The following GOLGA4 variants were observed in gnomAD, a reference collection of about 807,000 sequenced individuals.
GOLGA4 encodes the protein golgin subfamily A member 4.
GOLGA4 carries 169 observed loss-of-function variants against 265.9 expected under a neutral mutation model. The observed-to-expected ratio is 0.64, with a 90% CI of 0.56 to 0.72. The LOEUF (loss-of-function observed/expected upper bound fraction) is 0.72, where lower values mean the gene tolerates loss of function less well. Ranked by LOEUF, GOLGA4 falls within the 30% of genes least tolerant of loss-of-function variation. The pLI, the probability that GOLGA4 is intolerant of heterozygous loss-of-function variation, is 0.00. For synonymous variants in GOLGA4, 923 were observed against 855.8 expected (o/e 1.08, Z -1.37); for missense variants, 2,482 against 2,483.4 (o/e 1.00, Z 0.01).
chr3:37,252,791 C>A (rs552230927), intron 2 of GOLGA4, among the ~76,000 whole-genome samples: 1 of 152,034 alleles, frequency 6.6e-6, no homozygotes, highest in South Asian at 2.1e-4. Context: ...TGCTTAAGTC[C>A]CTTGCCCATT....
rs761469907 is a variant in GOLGA4 at position 37,327,358 on chromosome 3, C to T, written c.5472C>T (p.Asn1824=). The T allele has an allele frequency of 3.7e-6, 6 of 1,613,766 alleles. No homozygotes were observed. The highest frequency in any genetic ancestry group is 4.2e-6 in the Non-Finnish European group (5 of 1,179,734). The part of the protein sequence containing the change: ...QHVEKEGGKN[N]IQAKQNLENV... ...TGGAAAAAGAAGGAGGTAAAAATAA[C>T]ATACAGGCAAAGCAAAACTTGGAAA... The change falls in exon 14 of 24, where the codon AAC becomes AAT. Residue 1824 remains asparagine (N), a synonymous_variant. Transcript: ENST00000361924.
intron 2 of GOLGA4, among the ~76,000 whole-genome samples, chr3:37,270,820 G>A (rs151145069): frequency 6.6e-6 from 1 of 152,010 alleles, no homozygotes; most frequent in Non-Finnish European, 1.5e-5. Flanking sequence ...TGATTCGAGC[G>A]CATTACATTT....
At chr3:37,247,966 A>G (rs1346689393) in intron 1 of GOLGA4, among the ~76,000 whole-genome samples, 1 of 152,214 alleles carries the variant, frequency 6.6e-6, no homozygotes, top group African/African-American at 2.4e-5. Flanking sequence ...CCATCCAGGT[A>G]ATCTTTTGAT....
At chr3:37,331,399 C>A (rs1412301513) in intron 16 of GOLGA4, among the ~76,000 whole-genome samples, 6 of 152,112 alleles carry the variant, frequency 3.9e-5, no homozygotes, top group Non-Finnish European at 8.8e-5. Context: ...CAGTCCCCAT[C>A]CAGACATCCC....
At chr3:37,332,013 C>T (rs1279425915) in intron 16 of GOLGA4, among the ~76,000 whole-genome samples, 3 of 152,112 alleles carry the variant, frequency 2.0e-5, no homozygotes, top group Non-Finnish European at 4.4e-5. Context: ...TCATCTGGCC[C>T]GATCTGTTGT....
chr3:37,246,126 G>A (rs1161773648), intron 1 of GOLGA4, among the ~76,000 whole-genome samples: 5 of 151,740 alleles, frequency 3.3e-5, no homozygotes, highest in Non-Finnish European at 7.4e-5. Context: ...CAAGGCGGGC[G>A]GATCACCTGA....
At chr3:37,353,846 G>A (rs2097082489) in intron 21 of GOLGA4, among the ~76,000 whole-genome samples, 1 of 151,980 alleles carries the variant, frequency 6.6e-6, no homozygotes, top group South Asian at 2.1e-4. Flanking sequence ...TCCCACCTCA[G>A]TCTCCCAAAG....
chr3:37,259,902 A>G (rs902281670), intron 2 of GOLGA4, among the ~76,000 whole-genome samples: 3 of 152,170 alleles, frequency 2.0e-5, no homozygotes, highest in African/African-American at 7.2e-5. Context: ...TAGTAAAACT[A>G]TCTATATAGA....
Position 37,325,684 on chromosome 3 carries a change from TA to T in GOLGA4, c.3802del (p.Thr1268LeufsTer7). On this transcript the variant is annotated frameshift_variant, in exon 14 of 24. Transcript: ENST00000361924. LOFTEE classifies it high-confidence loss of function. The stretch of plus-strand genomic sequence containing the variant: ...CTAAAGTTAAGGAGGCACTGTTAAT[TA>T]AAACTTGCACAGTTTCTGAATTAGA... ...TTKVKEALLI[K>X]TCTVSELEAQ... is the part of the protein sequence containing the mutation. The T allele has an allele frequency of 6.2e-7, 1 of 1,613,736 alleles. No individual in the cohort carries two copies. The highest frequency in any genetic ancestry group is 8.5e-7 in the Non-Finnish European group (1 of 1,179,636).
At chr3:37,268,080 T>A (rs959365199) in intron 2 of GOLGA4, among the ~76,000 whole-genome samples, 1 of 140,644 alleles carries the variant, frequency 7.1e-6, no homozygotes, top group Admixed American at 7.0e-5. Context: ...ACTGTTTTTA[T>A]TTATTTATTT....
intron 5 of GOLGA4, among the ~76,000 whole-genome samples, chr3:37,293,124 T>A (rs186081300): frequency 6.6e-6 from 1 of 152,276 alleles, no homozygotes; most frequent in East Asian, 1.9e-4. Flanking sequence ...GTGTGAGGGA[T>A]GGATAAAATT....
chr3:37,312,091 C>A (rs984097506), intron 10 of GOLGA4, among the ~76,000 whole-genome samples: 9 of 152,168 alleles, frequency 5.9e-5, no homozygotes, highest in African/African-American at 2.2e-4. Context: ...TCAAAACTGT[C>A]TTCAGTTTCT....
intron 1 of GOLGA4, chr3:37,249,994 T>C (rs1351356321): frequency 1.3e-5 from 2 of 152,382 alleles, no homozygotes; most frequent in Non-Finnish European, 2.9e-5. Context: ...CACTCACTTA[T>C]GACTCGAAGT....
At chr3:37,331,078 A>G (rs2096988686) in intron 16 of GOLGA4, among the ~76,000 whole-genome samples, 4 of 152,118 alleles carry the variant, frequency 2.6e-5, no homozygotes, top group Admixed American at 1.3e-4. Context: ...GCCATATTGT[A>G]ATTTAAAGTT....
rs60890140 is a variant in GOLGA4 at position 37,314,642 on chromosome 3, AACAC to A, written c.1235-741_1235-738del. 9.9e-3 allele frequency among the ~76,000 whole-genome samples: 1,368 copies of A among 138,816 alleles called. 11 individuals are homozygous for A. The highest frequency in any genetic ancestry group is 0.037 in the South Asian group (158 of 4,242). The allele number at this position is 138,816 out of a possible 152,430, so 91.1% of individuals were successfully genotyped here. On this transcript the variant is annotated intron_variant, in intron 10 of 23. Coordinates refer to ENST00000361924, the MANE Select transcript of GOLGA4 (RefSeq NM_002078.5). ...GGTGACGGAGCAAGACTCCGTCTCA[AACAC>A]ACACACACACACACACACACACACA...
chr3:37,323,064 G>T (rs1165705527), intron 13 of GOLGA4, among the ~76,000 whole-genome samples: 1 of 148,502 alleles, frequency 6.7e-6, no homozygotes, highest in Non-Finnish European at 1.5e-5. Context: ...TAAATAGAAA[G>T]AATCTGAAAG....
chr3:37,314,882 C>T (rs2096933267), intron 10 of GOLGA4, among the ~76,000 whole-genome samples: 2 of 151,938 alleles, frequency 1.3e-5, no homozygotes, highest in South Asian at 4.1e-4. Context: ...AAATATTCAG[C>T]CAGTAAATGT....
intron 7 of GOLGA4, among the ~76,000 whole-genome samples, chr3:37,298,286 G>A (rs899352697): frequency 3.9e-5 from 6 of 152,134 alleles, no homozygotes; most frequent in African/African-American, 1.4e-4. Context: ...GTGGGTGGGA[G>A]GAAGCCAGTG....
intron 10 of GOLGA4, among the ~76,000 whole-genome samples, chr3:37,311,076 A>G (rs1374875461): frequency 6.6e-6 from 1 of 152,128 alleles, no homozygotes; most frequent in Non-Finnish European, 1.5e-5. Context: ...GGCTGTGGGC[A>G]CCATTTCTAG....
Sources: allele counts gnomAD v4.1 joint callset (sites outside exome capture counted in the v4.1 genomes callset), GRCh38; gene constraint gnomAD v4.1.1; transcripts MANE v1.5; gene names NCBI Gene and HGNC (gene_info 2026-07-23, HGNC 2026-07-21).